Variants in PCDHA7 observed in about 807,000 individuals in gnomAD.
PCDHA7 encodes the protein protocadherin alpha 7, also known as protocadherin alpha-7.
A neutral mutation model predicts 57.2 loss-of-function variants in PCDHA7; 37 were observed. The ratio of observed to expected loss-of-function variants is 0.65; its 90% CI spans 0.50 to 0.85. The LOEUF (loss-of-function observed/expected upper bound fraction) is 0.85. Among genes scored for constraint, PCDHA7 ranks in the 40% least tolerant of loss-of-function variants. The pLI is 0.00. For missense variants in PCDHA7, 1,188 were observed against 1,241.8 expected, an observed-to-expected ratio of 0.96 and a Z score of 0.65; for synonymous variants, 553 against 558.8, an observed-to-expected ratio of 0.99 and a Z score of 0.15.
chr5:140,950,738 T>C (rs900517873), intron 1 of PCDHA7, among the ~76,000 whole-genome samples: 5 of 152,150 alleles, frequency 3.3e-5, no homozygotes, highest in African/African-American at 7.2e-5. Flanking sequence ...TTAATCCTAA[T>C]TTCTCTCTAT....
chr5:140,862,857 T>A (rs782223560), intron 1 of PCDHA7: 4 of 517,166 alleles, frequency 7.7e-6, no homozygotes, highest in Non-Finnish European at 1.5e-5. Flanking sequence ...TGAGCAGCAA[T>A]GTGACGCTGC....
At position 140,838,838 on chromosome 5, in the gene PCDHA7, C is replaced by T. The variant is rs1484620027; in HGVS notation, c.2355+2100C>T. Among the ~76,000 whole-genome samples the T allele has an allele frequency of 2.0e-5, 3 of 151,902 alleles. No homozygotes were observed. In the East Asian group the frequency reaches 5.8e-4, roughly 29 times the overall value. On this transcript the variant is annotated intron_variant, in intron 1 of 3. Coordinates refer to ENST00000525929, the MANE Select transcript of PCDHA7 (RefSeq NM_018910.3). ...TCAAGAAACTGAGGTGGGAGGATCACTTAAGCCAGGGAGGTCCAAGCTGCA... is the reference window on the plus strand; with the variant it reads ...TCAAGAAACTGAGGTGGGAGGATCATTTAAGCCAGGGAGGTCCAAGCTGCA...
At chr5:140,976,523 C>T in intron 1 of PCDHA7, among the ~76,000 whole-genome samples, 1 of 151,724 alleles carries the variant, frequency 6.6e-6, no homozygotes. Flanking sequence ...TGCACACCAG[C>T]CTAAATGACA....
At chr5:140,872,294 T>C in intron 1 of PCDHA7, among the ~76,000 whole-genome samples, 1 of 152,190 alleles carries the variant, frequency 6.6e-6, no homozygotes, top group East Asian at 1.9e-4. Flanking sequence ...AAGCCTTGCA[T>C]TCTTATATGC....
Position 140,968,897 on chromosome 5 carries a change from G to A in PCDHA7, c.2356-10052G>A, listed in dbSNP as rs1554231210. On this transcript the variant is annotated intron_variant, in intron 1 of 3. Transcript: ENST00000525929. The stretch of plus-strand genomic sequence containing the variant: ...TGAAATTACCCTTTATCTAATAATA[G>A]CATTAAGCACAGTGTCTTTTATATT... The A allele has an allele frequency of 3.7e-6, 6 of 1,614,034 alleles. No homozygotes were observed. In the African/African-American group the frequency reaches 4.0e-5, roughly 11 times the overall value.
At chr5:140,975,326 G>A (rs901942738) in intron 1 of PCDHA7, among the ~76,000 whole-genome samples, 2 of 152,216 alleles carry the variant, frequency 1.3e-5, no homozygotes, top group Non-Finnish European at 2.9e-5. Flanking sequence ...GTCCCATCCA[G>A]ATGATCTCCC....
At chr5:140,898,507 C>T (rs538521734) in intron 1 of PCDHA7, among the ~76,000 whole-genome samples, 23 of 152,140 alleles carry the variant, frequency 1.5e-4, no homozygotes, top group African/African-American at 5.1e-4. Context: ...TGTAGATATG[C>T]GGCGTTATTT....
Position 140,835,883 on chromosome 5 carries a change from C to A in PCDHA7, c.1500C>A (p.Gly500=). 2.5e-6 allele frequency: 4 copies of A among 1,611,944 alleles called. No individual in the cohort carries two copies. Among genetic ancestry groups the A allele is most frequent in the Non-Finnish European group, 3.4e-6 (4 of 1,179,626 alleles). ...VSYSLVELRV[G]ERALSSYVSV... is the part of the protein sequence containing the mutation. ...ACTCGCTGGTGGAGCTGCGGGTGGG[C>A]GAGCGCGCGCTGTCGAGCTACGTGT... The change falls in exon 1 of 4, where the codon GGC becomes GGA. Residue 500 remains glycine, a synonymous_variant. Coordinates refer to ENST00000525929, the MANE Select transcript of PCDHA7 (RefSeq NM_018910.3).
chr5:140,958,724 A>G (rs1563299236), intron 1 of PCDHA7, among the ~76,000 whole-genome samples: 1 of 152,188 alleles, frequency 6.6e-6, no homozygotes, highest in Admixed American at 6.5e-5. Context: ...TAAATGTAAC[A>G]CTGAATGGGA....
In PCDHA7 at chr5:140,969,463, C is replaced by G. The variant is rs549074334; in HGVS notation, c.2356-9486C>G. ...CTGGTAAACTGAGTATATATAGTAT[C>G]CACAATTTGATCATAATCTGCTATT... On this transcript the variant is annotated intron_variant, in intron 1 of 3. Coordinates refer to ENST00000525929, the MANE Select transcript of PCDHA7 (RefSeq NM_018910.3). 74 of 1,491,016 alleles carry G rather than the reference C, an allele frequency of 5.0e-5. No homozygotes were observed. In the South Asian group the frequency reaches 6.0e-4, roughly 12 times the overall value. The allele number at this position is 1,491,016 out of a possible 1,614,324, so 92.4% of individuals were successfully genotyped here.
chr5:141,009,501 C>T (rs2098410009), intron 3 of PCDHA7, 126 bp from the exon 4 acceptor site: 4 of 1,492,480 alleles, frequency 2.7e-6, no homozygotes, highest in Non-Finnish European at 3.6e-6. Context: ...CAGACTTGAA[C>T]AAACAACTCG....
At chr5:140,869,882 T>C (rs1181573683) in intron 1 of PCDHA7, 1 of 1,610,250 alleles carries the variant, frequency 6.2e-7, no homozygotes, top group African/African-American at 1.3e-5. Flanking sequence ...AAAGAAACTC[T>C]TGTGCTCAAA....
intron 1 of PCDHA7, chr5:140,869,050 A>T: frequency 1.3e-6 from 2 of 1,533,074 alleles, no homozygotes; most frequent in South Asian, 2.6e-5. Context: ...GAAACTGAAG[A>T]ATCTGGTACT....
At chr5:140,884,414 C>G in intron 1 of PCDHA7, 2 of 1,614,008 alleles carry the variant, frequency 1.2e-6, no homozygotes, top group Non-Finnish European at 1.7e-6. Context: ...GCTCACGTTG[C>G]TGCTGTATAC....
chr5:140,941,894 T>G (rs1398323055), intron 1 of PCDHA7, among the ~76,000 whole-genome samples: 2 of 152,230 alleles, frequency 1.3e-5, no homozygotes, highest in African/African-American at 4.8e-5. Context: ...AGCATCTAAG[T>G]AACATTGAAA....
intron 1 of PCDHA7, among the ~76,000 whole-genome samples, chr5:140,845,321 T>A (rs1395146345): frequency 6.7e-6 from 1 of 149,684 alleles, no homozygotes; most frequent in Non-Finnish European, 1.5e-5. Context: ...AGGTATTACT[T>A]TAATTACTGA....
chr5:140,972,287 G>T (rs2096528818), intron 1 of PCDHA7, among the ~76,000 whole-genome samples: 1 of 151,036 alleles, frequency 6.6e-6, no homozygotes, highest in Non-Finnish European at 1.5e-5. Flanking sequence ...CCATAGATGT[G>T]CGCCACCGTG....
chr5:140,880,309 A>G (rs2058299906), intron 1 of PCDHA7, among the ~76,000 whole-genome samples: 1 of 152,236 alleles, frequency 6.6e-6, no homozygotes. Flanking sequence ...TGAAAGAAAC[A>G]AGTAAAAAAT....
chr5:140,893,205 T>A (rs192969362), intron 1 of PCDHA7, among the ~76,000 whole-genome samples: 1 of 152,338 alleles, frequency 6.6e-6, no homozygotes, highest in East Asian at 1.9e-4. Context: ...CTGCAGTAAG[T>A]ATGGGAGGTG....
Sources: allele counts gnomAD v4.1 joint callset (sites outside exome capture counted in the v4.1 genomes callset), GRCh38; gene constraint gnomAD v4.1.1; transcripts MANE v1.5; gene names NCBI Gene and HGNC (gene_info 2026-07-23, HGNC 2026-07-21).